Variants in UNC119B observed in about 807,000 individuals in gnomAD.
UNC119B encodes the protein unc-119 lipid binding chaperone B.
Under a neutral mutation model 23.4 loss-of-function variants are expected in UNC119B, and 16 were observed. That is an observed-to-expected ratio of 0.68 (90% CI 0.46 to 1.04). The LOEUF (loss-of-function observed/expected upper bound fraction) is 1.04. Ranked by LOEUF, UNC119B falls within the 50% of genes least tolerant of loss-of-function variation. The pLI is 0.00. For missense variants in UNC119B, 350 were observed against 361.3 expected (o/e 0.97, Z 0.25); for synonymous variants, 144 against 145.4 (o/e 0.99, Z 0.07).
chr12:120,717,871 T>G (rs1294981642), intron 4 of UNC119B, among the ~76,000 whole-genome samples: 2 of 150,276 alleles, frequency 1.3e-5, no homozygotes, highest in Non-Finnish European at 3.0e-5. Context: ...TCTGAAGGTT[T>G]TTTTTTTTTT....
At chr12:120,712,866 G>C (rs1466929018) in intron 1 of UNC119B, among the ~76,000 whole-genome samples, 1 of 152,172 alleles carries the variant, frequency 6.6e-6, no homozygotes, top group Non-Finnish European at 1.5e-5. Context: ...TTCTTACACT[G>C]ACAGTTGGCA....
chr12:120,719,925 C>A lies in UNC119B; in HGVS notation c.649C>A (p.Leu217Ile), dbSNP rs757599618. 6.2e-7 allele frequency: 1 copy of A among 1,613,004 alleles called. No homozygotes were observed. The highest frequency in any genetic ancestry group is 8.5e-7 in the Non-Finnish European group (1 of 1,179,000). ...CCCCTTTGCCTGACTTGCAGTTCGT[C>A]TAATGATTGAAAATCCTTACGAGAC... The part of the protein sequence containing the change: ...FPQLSEDVIR[L>I]MIENPYETRS... The change falls in exon 5 of 5, where the codon CTA (leucine) becomes ATA (isoleucine). Residue 217 changes from leucine to isoleucine, a missense_variant. By Grantham distance (5) the Leu-to-Ile change is conservative. Coordinates refer to ENST00000344651, the MANE Select transcript of UNC119B (RefSeq NM_001080533.3).
intron 4 of UNC119B, among the ~76,000 whole-genome samples, chr12:120,718,960 C>T (rs1882835718): frequency 6.6e-6 from 1 of 152,180 alleles, no homozygotes; most frequent in African/African-American, 2.4e-5. Flanking sequence ...TATGTAGATA[C>T]TTGCAAGAAA....
chr12:120,710,665 C>T lies in UNC119B; in HGVS notation c.191C>T (p.Ala64Val), dbSNP rs1882643228. Residue 64 changes from alanine (A) to valine (V), a missense_variant, in exon 1 of 5, where the codon GCG (alanine) becomes GTG (valine). Ala to Val is a moderately conservative substitution (Grantham distance 64, BLOSUM62 0). Transcript: ENST00000344651. ...GAAVTEQELL[A>V]LDTIRPEHVL... is the part of the protein sequence containing the mutation. ...GCGGTCACGGAGCAGGAGCTGCTGG[C>T]GCTGGACACCATCCGGCCCGAGCAC... 2 of 1,451,488 alleles carry T rather than the reference C, an allele frequency of 1.4e-6. No homozygotes were observed. Among genetic ancestry groups the T allele is most frequent in the African/African-American group, 1.5e-5 (1 of 67,612 alleles). The allele number at this position is 1,451,488 out of a possible 1,614,324, so 89.9% of individuals were successfully genotyped here.
chr12:120,715,518 A>AT (rs1360403804), intron 2 of UNC119B, among the ~76,000 whole-genome samples: 2 of 96,096 alleles, frequency 2.1e-5, no homozygotes, highest in South Asian at 7.9e-4. Context: ...TTGTTCTCTG[A>AT]TTCTTTTTTT....
intron 1 of UNC119B, among the ~76,000 whole-genome samples, chr12:120,712,697 T>A (rs1353228711): frequency 6.6e-6 from 1 of 152,208 alleles, no homozygotes; most frequent in Non-Finnish European, 1.5e-5. Flanking sequence ...ATAAATACAG[T>A]TTTACTGGAA....
At chr12:120,719,778 G>C in intron 4 of UNC119B, 142 bp from the exon 5 acceptor site, 1 of 633,092 alleles carries the variant, frequency 1.6e-6, no homozygotes, top group Non-Finnish European at 2.8e-6. Context: ...CCTCTGTTCT[G>C]ACCTCATCGT....
intron 1 of UNC119B, chr12:120,711,113 C>G (rs1882657214): frequency 6.3e-6 from 1 of 159,094 alleles, no homozygotes. Context: ...CAGTGAAGTT[C>G]CCGCTCAGCC....
chr12:120,716,877 T>C lies in UNC119B; in HGVS notation c.478T>C (p.Phe160Leu). The C allele has an allele frequency of 1.9e-6, 3 of 1,609,278 alleles. No individual in the cohort carries two copies. Among genetic ancestry groups the C allele is most frequent in the South Asian group, 1.1e-5 (1 of 90,696 alleles). ...CAGAGATTTATTTTCCAGGGTGGAG[T>C]TCACAGTGGGAGACAAACCTGTTTC... ...RLRTVGATVE[F>L]TVGDKPVSNF... Residue 160 changes from phenylalanine to leucine, a missense_variant, in exon 4 of 5, where the codon TTC becomes CTC. Physicochemically the swap from Phe to Leu is conservative, Grantham distance 22. Transcript: ENST00000344651.
At position 120,720,151 on chromosome 12, in the gene UNC119B, G is replaced by A; in HGVS notation, c.*119G>A. 2 of 728,894 alleles carry A rather than the reference G, an allele frequency of 2.7e-6. No individual in the cohort carries two copies. Among genetic ancestry groups the A allele is most frequent in the Non-Finnish European group, 4.6e-6 (2 of 438,830 alleles). The allele number at this position is 728,894 out of a possible 1,614,324, so 45.2% of individuals were successfully genotyped here. A position where few individuals can be genotyped will look rare whatever the true frequency, so the allele number is the denominator to read the frequency against. On this transcript the variant is annotated 3_prime_UTR_variant, in exon 5 of 5. Coordinates refer to ENST00000344651, the MANE Select transcript of UNC119B (RefSeq NM_001080533.3). ...TGGAACCTGGCCCCAGGAAGCCAAG[G>A]CTGGGGTGGCAGTTTCCTGCGCGCC... is the stretch of plus-strand genomic sequence containing the variant.
chr12:120,712,127 A>G (rs1356334821), intron 1 of UNC119B, among the ~76,000 whole-genome samples: 1 of 152,160 alleles, frequency 6.6e-6, no homozygotes, highest in Admixed American at 6.5e-5. Flanking sequence ...CTCAGTGGGC[A>G]CTCAGATCCT....
intron 4 of UNC119B, 62 bp from the exon 5 acceptor site, chr12:120,719,858 C>A: frequency 8.2e-7 from 1 of 1,215,910 alleles, no homozygotes; most frequent in South Asian, 1.2e-5. Flanking sequence ...TCCCACCTAC[C>A]CTGTGGGGCA....
rs957022571 is a variant in UNC119B at position 120,722,246 on chromosome 12, C to T, written c.*2214C>T. 14 of 152,404 alleles carry T rather than the reference C, an allele frequency of 9.2e-5. No homozygotes were observed. In the East Asian group the frequency reaches 2.1e-3, roughly 23 times the overall value. 9.4% of individuals were successfully genotyped at this position (152,404 alleles called of 1,614,324 possible). ...CTCTTCCTTGTTAGCTTGCCTTAGT[C>T]TCACTGGAGACCATTTGCGGATAGT... On this transcript the variant is annotated 3_prime_UTR_variant, in exon 5 of 5. Coordinates refer to ENST00000344651, the MANE Select transcript of UNC119B (RefSeq NM_001080533.3).
chr12:120,710,591 G>A lies in UNC119B; in HGVS notation c.117G>A (p.Lys39=), dbSNP rs1834778651. Residue 39 remains lysine, a synonymous_variant, in exon 1 of 5, where the codon AAG becomes AAA. Transcript: ENST00000344651. ...GCGGCGGCGTCCTGAACCGCCTGAA[G>A]GCGCGGCGGCAGGCGCCCCACCACG... The part of the protein sequence containing the change: ...KAGGGVLNRL[K]ARRQAPHHAA... The A allele has an allele frequency of 1.4e-6, 2 of 1,428,884 alleles. No individual in the cohort carries two copies. Among genetic ancestry groups the A allele is most frequent in the Middle Eastern group, 2.5e-4 (1 of 4,056 alleles). The allele number at this position is 1,428,884 out of a possible 1,614,324, so 88.5% of individuals were successfully genotyped here. A position where few individuals can be genotyped will look rare whatever the true frequency, so the allele number is the denominator to read the frequency against.
rs960714159 is a variant in UNC119B at position 120,720,089 on chromosome 12, C to T, written c.*57C>T. 41 of 1,304,412 alleles carry T rather than the reference C, an allele frequency of 3.1e-5. No individual in the cohort carries two copies. The highest frequency in any genetic ancestry group is 3.5e-5 in the Admixed American group (2 of 56,678). The allele number at this position is 1,304,412 out of a possible 1,614,324, so 80.8% of individuals were successfully genotyped here. A position where few individuals can be genotyped will look rare whatever the true frequency, so the allele number is the denominator to read the frequency against. ...GCCGCGGCCACAAGATCCTGGCACACGGAGATGATCGAAGCTGCAGTTTGT... is the reference window on the plus strand; with the variant it reads ...GCCGCGGCCACAAGATCCTGGCACATGGAGATGATCGAAGCTGCAGTTTGT... On this transcript the variant is annotated 3_prime_UTR_variant, in exon 5 of 5. Coordinates refer to ENST00000344651, the MANE Select transcript of UNC119B (RefSeq NM_001080533.3).
rs1247028951 is a variant in UNC119B at position 120,716,903 on chromosome 12, A to G, written c.504A>G (p.Ser168=). ...VEFTVGDKPV[S]NFRMIERHYF... is the part of the protein sequence containing the mutation. ...TCACAGTGGGAGACAAACCTGTTTC[A>G]AACTTCCGGATGATCGAACGGCACT... The change falls in exon 4 of 5, where the codon TCA becomes TCG. Residue 168 remains serine (S), a synonymous_variant. Transcript: ENST00000344651. 1 of 1,612,722 alleles carries G rather than the reference A, an allele frequency of 6.2e-7. No homozygotes were observed. Among genetic ancestry groups the G allele is most frequent in the South Asian group, 1.1e-5 (1 of 90,918 alleles).
rs2136933463 is a variant in UNC119B at position 120,720,107 on chromosome 12, C to CA, written c.*76dup. 1.7e-6 allele frequency: 2 copies of CA among 1,181,048 alleles called. No individual in the cohort carries two copies. The highest frequency in any genetic ancestry group is 1.5e-5 in the African/African-American group (1 of 65,780). The allele number at this position is 1,181,048 out of a possible 1,614,324, so 73.2% of individuals were successfully genotyped here. A position where few individuals can be genotyped will look rare whatever the true frequency, so the allele number is the denominator to read the frequency against. ...TGGCACACGGAGATGATCGAAGCTG[C>CA]AGTTTGTCAACACACATCTGGAACC... On this transcript the variant is annotated 3_prime_UTR_variant, in exon 5 of 5. Transcript: ENST00000344651.
chr12:120,718,168 G>A (rs367908205), intron 4 of UNC119B, among the ~76,000 whole-genome samples: 2 of 151,894 alleles, frequency 1.3e-5, no homozygotes, highest in African/African-American at 4.8e-5. Context: ...GCGCCCGGCC[G>A]GTCTGAAGGT....
At chr12:120,713,965 C>T (rs1882719527) in intron 2 of UNC119B, among the ~76,000 whole-genome samples, 1 of 152,184 alleles carries the variant, frequency 6.6e-6, no homozygotes, top group African/African-American at 2.4e-5. Context: ...CCCAGGAACT[C>T]AACTACTTGG....
Sources: allele counts gnomAD v4.1 joint callset (sites outside exome capture counted in the v4.1 genomes callset), GRCh38; gene constraint gnomAD v4.1.1; transcripts MANE v1.5; gene names NCBI Gene and HGNC (gene_info 2026-07-23, HGNC 2026-07-21).